STAG1: variants seen among roughly 807,000 people sequenced by gnomAD.
STAG1 encodes the protein STAG1 cohesin complex component, also known as cohesin subunit SA-1.
In STAG1, 26 loss-of-function variants were observed where a neutral mutation model predicts 170.9. The ratio of observed to expected loss-of-function variants is 0.15; its 90% CI spans 0.11 to 0.21. STAG1 has a LOEUF of 0.21. Among genes scored for constraint, STAG1 ranks in the 10% least tolerant of loss-of-function variants. The pLI is 1.00. For synonymous variants in STAG1, 514 were observed against 497.7 expected (o/e 1.03, Z -0.44); for missense variants, 964 against 1,509.5 (o/e 0.64, Z 5.99).
intron 1 of STAG1, among the ~76,000 whole-genome samples, chr3:136,706,453 G>A (rs1030880252): frequency 2.6e-5 from 4 of 151,732 alleles, no homozygotes; most frequent in African/African-American, 4.8e-5. Flanking sequence ...ATCCAAAAAG[G>A]AAAGAAAACA....
At chr3:136,451,528 C>T (rs558437647) in intron 14 of STAG1, among the ~76,000 whole-genome samples, 37 of 152,180 alleles carry the variant, frequency 2.4e-4, no homozygotes, top group African/African-American at 8.2e-4. Context: ...CTTTGGGAGG[C>T]CAAGGTGGGC....
intron 1 of STAG1, among the ~76,000 whole-genome samples, chr3:136,667,863 C>T (rs758617145): frequency 7.9e-5 from 12 of 151,882 alleles, no homozygotes; most frequent in Non-Finnish European, 1.2e-4. Context: ...TTTTAAAAAC[C>T]ACCTGGTTGT....
At chr3:136,372,006 C>T (rs913335703) in intron 23 of STAG1, among the ~76,000 whole-genome samples, 176 of 152,214 alleles carry the variant, frequency 1.2e-3, no homozygotes, top group African/African-American at 2.5e-3. Context: ...TGTTCTTCCA[C>T]TTGTTTGTAT....
At chr3:136,377,049 T>C (rs1937635686) in intron 23 of STAG1, among the ~76,000 whole-genome samples, 1 of 150,198 alleles carries the variant, frequency 6.7e-6, no homozygotes, top group East Asian at 2.1e-4. Flanking sequence ...AGTGCTGGGA[T>C]TACAGGCGTG....
intron 23 of STAG1, among the ~76,000 whole-genome samples, chr3:136,371,623 C>T (rs572907262): frequency 3.1e-4 from 47 of 152,162 alleles, no homozygotes; most frequent in Non-Finnish European, 5.9e-4. Context: ...ATCCTTTCCA[C>T]ATTGCTTGTT....
intron 13 of STAG1, 82 bp from the exon 14 acceptor site, chr3:136,452,229 T>C (rs763252690): frequency 1.9e-5 from 16 of 850,256 alleles, no homozygotes; most frequent in Non-Finnish European, 3.2e-5. Context: ...ATTTCAGTGT[T>C]TAACAACAAC....
At chr3:136,635,538 T>C (rs1940517287) in intron 1 of STAG1, among the ~76,000 whole-genome samples, 1 of 152,210 alleles carries the variant, frequency 6.6e-6, no homozygotes, top group Non-Finnish European at 1.5e-5. Flanking sequence ...CTCAAAGCTT[T>C]TCCGGTTAAA....
Position 136,422,497 on chromosome 3 carries a change from G to T in STAG1, c.1950C>A (p.Ile650=), listed in dbSNP as rs779755827. 2 of 1,613,892 alleles carry T rather than the reference G, an allele frequency of 1.2e-6. No individual in the cohort carries two copies. Among genetic ancestry groups the T allele is most frequent in the Non-Finnish European group, 1.7e-6 (2 of 1,179,960 alleles). The change falls in exon 19 of 34, where the codon ATC becomes ATA. Residue 650 remains isoleucine, a synonymous_variant. Coordinates refer to ENST00000383202, the MANE Select transcript of STAG1 (RefSeq NM_005862.3). Reference sequence around the variant, plus strand: ...TTCGAGCTATGTCAACTCTGTTCTGGATGGTATATTCTTCACTGCATAAGA... The same window carrying T: ...TTCGAGCTATGTCAACTCTGTTCTGTATGGTATATTCTTCACTGCATAAGA... ...YSILCSEEYT[I]QNRVDIARSQ...
chr3:136,398,692 T>A, intron 22 of STAG1, 57 bp downstream of exon 22: 3 of 1,012,476 alleles, frequency 3.0e-6, no homozygotes, highest in Non-Finnish European at 4.3e-6. Flanking sequence ...TATTAAATAG[T>A]TAAGCAAGGT....
rs181853115 is a variant in STAG1, at chr3:136,552,617, G to C, written c.395-10422C>G. On this transcript the variant is annotated intron_variant, in intron 5 of 33. Coordinates refer to ENST00000383202, the MANE Select transcript of STAG1 (RefSeq NM_005862.3). ...TGGGCGATATGAGGTAGAGGGTCTA[G>C]AAGAAATAACTCTATAAAGTGGGGC... 8.5e-5 allele frequency among the ~76,000 whole-genome samples: 13 copies of C among 152,240 alleles called. No homozygotes were observed. In the East Asian group the frequency reaches 2.5e-3, roughly 29 times the overall value.
chr3:136,551,943 G>GAAATTGAA (rs1197457919), intron 5 of STAG1, among the ~76,000 whole-genome samples: 6 of 152,026 alleles, frequency 3.9e-5, no homozygotes, highest in Non-Finnish European at 4.4e-5. Context: ...GAGAGAGGCT[G>GAAATTGAA]AAATTGAAAA....
chr3:136,379,258 A>G (rs1937802600), intron 22 of STAG1, among the ~76,000 whole-genome samples: 1 of 152,206 alleles, frequency 6.6e-6, no homozygotes, highest in South Asian at 2.1e-4. Context: ...GTGCTATGGT[A>G]GGAGAAAACA....
intron 21 of STAG1, among the ~76,000 whole-genome samples, chr3:136,411,199 C>A (rs2087615362): frequency 6.6e-6 from 1 of 152,052 alleles, no homozygotes; most frequent in Non-Finnish European, 1.5e-5. Context: ...TACAAAAACA[C>A]CTGTAAATGA....
chr3:136,546,276 A>G (rs1273556740), intron 5 of STAG1, among the ~76,000 whole-genome samples: 1 of 152,230 alleles, frequency 6.6e-6, no homozygotes, highest in African/African-American at 2.4e-5. Context: ...CCTCAGTTCT[A>G]TTACGACTAT....
chr3:136,603,484 C>T (rs891790456), intron 4 of STAG1, among the ~76,000 whole-genome samples: 1 of 152,022 alleles, frequency 6.6e-6, no homozygotes, highest in Non-Finnish European at 1.5e-5. Context: ...TAAAAATATA[C>T]ACACTAAAGA....
At position 136,374,617 on chromosome 3, in the gene STAG1, C is replaced by CA. The variant is rs542624157; in HGVS notation, c.2370+3042dup. The stretch of plus-strand genomic sequence containing the variant: ...GGGCAACAAGAGCAAAACTCCGTCT[C>CA]AAAAAAAAAAAATTTTTTTTTTTGT... On this transcript the variant is annotated intron_variant, in intron 23 of 33. Transcript: ENST00000383202. Among the ~76,000 whole-genome samples the CA allele has an allele frequency of 1.9e-3, 243 of 129,904 alleles. 1 individual carries two copies. Among genetic ancestry groups the CA allele is most frequent in the East Asian group, 0.012 (53 of 4,530 alleles). 85.2% of individuals were successfully genotyped at this position (129,904 alleles called of 152,430 possible).
At chr3:136,742,160 A>C (rs1934702269) in intron 1 of STAG1, among the ~76,000 whole-genome samples, 1 of 152,158 alleles carries the variant, frequency 6.6e-6, no homozygotes, top group Admixed American at 6.5e-5. Context: ...AACAACAAAA[A>C]ACAACAACAA....
chr3:136,596,805 G>A (rs1938447787), intron 4 of STAG1, among the ~76,000 whole-genome samples: 1 of 152,186 alleles, frequency 6.6e-6, no homozygotes, highest in African/African-American at 2.4e-5. Context: ...AGGCATGGGG[G>A]CTCACATCTG....
intron 6 of STAG1, among the ~76,000 whole-genome samples, chr3:136,527,164 C>A (rs1339166737): frequency 6.6e-6 from 1 of 152,164 alleles, no homozygotes; most frequent in Non-Finnish European, 1.5e-5. Context: ...GGGAAGTTCT[C>A]CTGGATAATA....
Sources: gnomAD v4.1 joint callset for allele counts (sites outside exome capture counted in the v4.1 genomes callset) on GRCh38, gnomAD v4.1.1 for gene constraint, MANE v1.5 for transcripts, NCBI Gene and HGNC (gene_info 2026-07-23, HGNC 2026-07-21) for gene names.